The following MYOF variants were observed in gnomAD, a reference collection of about 807,000 sequenced individuals.
The protein encoded by MYOF is myoferlin.
MYOF carries 244 observed loss-of-function variants against 284.2 expected under a neutral mutation model. The observed-to-expected ratio is 0.86, with a 90% CI of 0.77 to 0.95. The LOEUF (loss-of-function observed/expected upper bound fraction) is 0.95. MYOF is among the 40% of genes least tolerant of loss of function. The pLI is 0.00. For missense variants in MYOF, 2,496 were observed against 2,560.6 expected (o/e 0.97, Z 0.54); for synonymous variants, 904 against 919.7 (o/e 0.98, Z 0.31).
At chr10:93,390,556 T>C (rs1347436353) in intron 17 of MYOF, among the ~76,000 whole-genome samples, 1 of 152,208 alleles carries the variant, frequency 6.6e-6, no homozygotes, top group Non-Finnish European at 1.5e-5. Flanking sequence ...CATGTTATCA[T>C]CTTCAAGACA....
chr10:93,421,997 G>A (rs559948156), intron 5 of MYOF, among the ~76,000 whole-genome samples: 5 of 141,214 alleles, frequency 3.5e-5, no homozygotes, highest in African/African-American at 1.1e-4. Context: ...CCGACACACA[G>A]AATGCCACCT....
At chr10:93,326,876 C>T (rs1302274623) in intron 45 of MYOF, among the ~76,000 whole-genome samples, 6 of 152,188 alleles carry the variant, frequency 3.9e-5, no homozygotes, top group South Asian at 2.1e-4. Flanking sequence ...CTGCCCTCCT[C>T]GGCCTCCCAA....
At chr10:93,369,275 G>GTA (rs1845477887) in intron 25 of MYOF, among the ~76,000 whole-genome samples, 1 of 151,926 alleles carries the variant, frequency 6.6e-6, no homozygotes, top group Non-Finnish European at 1.5e-5. Flanking sequence ...GTGTGTGTGT[G>GTA]TATACTCTAC....
intron 3 of MYOF, among the ~76,000 whole-genome samples, chr10:93,447,880 C>A (rs547407366): frequency 6.6e-6 from 1 of 152,252 alleles, no homozygotes; most frequent in South Asian, 2.1e-4. Context: ...AATGGTCTCC[C>A]AGTATTGTTT....
At chr10:93,416,077 C>T (rs1194849998) in intron 5 of MYOF, among the ~76,000 whole-genome samples, 1 of 152,344 alleles carries the variant, frequency 6.6e-6, no homozygotes, top group Non-Finnish European at 1.5e-5. Flanking sequence ...CAAAATCCAA[C>T]GGTCCAGCCT....
intron 41 of MYOF, 80 bp downstream of exon 41, chr10:93,335,841 G>A (rs117735948): frequency 0.06 from 91,479 of 1,517,494 alleles, 3,369 homozygotes; most frequent in Middle Eastern, 0.12. Flanking sequence ...CCCCTCCCTA[G>A]AGCCTGGTTG....
At chr10:93,469,257 C>T (rs910743431) in intron 1 of MYOF, among the ~76,000 whole-genome samples, 7 of 152,018 alleles carry the variant, frequency 4.6e-5, no homozygotes, top group African/African-American at 1.7e-4. Context: ...AAAAATTAGC[C>T]GGGCATGGTG....
At chr10:93,326,711 GC>G (rs1843062206) in intron 45 of MYOF, among the ~76,000 whole-genome samples, 2 of 152,242 alleles carry the variant, frequency 1.3e-5, no homozygotes, top group South Asian at 4.2e-4. Flanking sequence ...TGCAACCCCT[GC>G]CTCCTGGGTT....
chr10:93,392,863 A>T (rs1846766481), intron 17 of MYOF, 54 bp downstream of exon 17: 1 of 1,485,494 alleles, frequency 6.7e-7, no homozygotes, highest in Non-Finnish European at 9.3e-7. Context: ...CATTCTTAAT[A>T]AGATAATATT....
chr10:93,349,789 C>T lies in MYOF; in HGVS notation c.4083+19G>A. The stretch of plus-strand genomic sequence containing the variant: ...ATATTTCAACGCGCATGGGTGATCA[C>T]AGAGAATCGATACTGTACCACTTTC... On this transcript the variant is annotated intron_variant, in intron 36 of 53. Coordinates refer to ENST00000359263, the MANE Select transcript of MYOF (RefSeq NM_013451.4). The T allele has an allele frequency of 2.5e-6, 4 of 1,612,850 alleles. No homozygotes were observed.
Position 93,349,825 on chromosome 10 carries a change from C to A in MYOF, c.4066G>T (p.Val1356Phe). The change falls in exon 36 of 54, where the codon GTT becomes TTT. Residue 1356 changes from valine (V) to phenylalanine (F), a missense_variant. Physicochemically the swap from Val to Phe is conservative, Grantham distance 50. Transcript: ENST00000359263. ...TACTGTACCACTTTCATGAAGAGAA[C>A]AGAACTTGGAAAGTTGGGTGTCTTC... ...LKKTPNFPSSVLFMKVFLPKE... is the reference protein window; with the variant it reads ...LKKTPNFPSSFLFMKVFLPKE... The A allele has an allele frequency of 1.2e-6, 2 of 1,614,002 alleles. No individual in the cohort carries two copies. Among genetic ancestry groups the A allele is most frequent in the Non-Finnish European group, 1.7e-6 (2 of 1,179,986 alleles).
rs1205571339 is a variant in MYOF at position 93,407,969 on chromosome 10, GATC to G, written c.729+815_729+817del. On this transcript the variant is annotated intron_variant, in intron 7 of 53. Coordinates refer to ENST00000359263, the MANE Select transcript of MYOF (RefSeq NM_013451.4). The stretch of plus-strand genomic sequence containing the variant: ...TGTCCTCTCTCATAAGGGTCGAAGG[GATC>G]ATCAAGAAGTTATCACAAAAACACC... Among the ~76,000 whole-genome samples, 6 of 152,192 alleles carry G rather than the reference GATC, an allele frequency of 3.9e-5. No individual in the cohort carries two copies. In the South Asian group the frequency reaches 6.2e-4, roughly 16 times the overall value.
In MYOF at chr10:93,353,907, G is replaced by C; in HGVS notation, c.3404-19C>G. 6 of 1,584,574 alleles carry C rather than the reference G, an allele frequency of 3.8e-6. No homozygotes were observed. The highest frequency in any genetic ancestry group is 3.4e-6 in the Non-Finnish European group (4 of 1,160,730). On this transcript the variant is annotated intron_variant, in intron 31 of 53. Transcript: ENST00000359263. Reference sequence around the variant, plus strand: ...TAGACTCCTAAAAAAACAGGATAAAGATTACTTACAAGAAGCGTAACACTG... The same window carrying C: ...TAGACTCCTAAAAAAACAGGATAAACATTACTTACAAGAAGCGTAACACTG...
intron 53 of MYOF, among the ~76,000 whole-genome samples, chr10:93,308,627 A>T (rs934406908): frequency 1.3e-5 from 2 of 152,048 alleles, no homozygotes; most frequent in East Asian, 3.9e-4. Context: ...CGACTGTATA[A>T]TAGTGTACAT....
chr10:93,317,434 TGAGACCAGCCTGGCCAACATG>T (rs1304269961), intron 49 of MYOF, among the ~76,000 whole-genome samples: 2 of 151,918 alleles, frequency 1.3e-5, no homozygotes, highest in African/African-American at 2.4e-5. Flanking sequence ...GCCAGGAGTT[TGAGACCAGCCTGGCCAACATG>T]GTGAAACCCC....
Position 93,349,748 on chromosome 10 carries a change from T to C in MYOF, c.4083+60A>G. The C allele has an allele frequency of 2.6e-6, 4 of 1,568,028 alleles. No individual in the cohort carries two copies. The South Asian group carries it at 4.6e-5, about 18-fold the overall frequency. On this transcript the variant is annotated intron_variant, in intron 36 of 53. Coordinates refer to ENST00000359263, the MANE Select transcript of MYOF (RefSeq NM_013451.4). ...AACTCTGTGTTTGTGTGTGTGTGTG[T>C]GAGGCACATACTTTCATATTTCAAC...
intron 1 of MYOF, among the ~76,000 whole-genome samples, chr10:93,465,113 T>C (rs1294464686): frequency 6.6e-6 from 1 of 152,236 alleles, no homozygotes; most frequent in Non-Finnish European, 1.5e-5. Flanking sequence ...AATTCTATTA[T>C]GATCATTCCC....
intron 24 of MYOF, among the ~76,000 whole-genome samples, chr10:93,370,178 A>G (rs1340454387): frequency 6.6e-6 from 1 of 152,218 alleles, no homozygotes; most frequent in Non-Finnish European, 1.5e-5. Flanking sequence ...TAGTAACAGT[A>G]AAAGTAATAG....
chr10:93,444,841 C>A (rs1456755225), intron 3 of MYOF, among the ~76,000 whole-genome samples: 1 of 152,218 alleles, frequency 6.6e-6, no homozygotes, highest in Non-Finnish European at 1.5e-5. Flanking sequence ...CTTTTAGGAA[C>A]TCAAGGGTAG....
Sources: gnomAD v4.1 joint callset for allele counts (sites outside exome capture counted in the v4.1 genomes callset) on GRCh38, gnomAD v4.1.1 for gene constraint, MANE v1.5 for transcripts, NCBI Gene and HGNC (gene_info 2026-07-23, HGNC 2026-07-21) for gene names.